TRPC6: variants seen among roughly 807,000 people sequenced by gnomAD.
TRPC6 encodes transient receptor potential cation channel subfamily C member 6, also known as short transient receptor potential channel 6.
In TRPC6, 55 loss-of-function variants were observed where a neutral mutation model predicts 90.7. That is an observed-to-expected ratio of 0.61 (90% CI 0.49 to 0.76). The LOEUF is 0.76. TRPC6 is among the 30% of genes least tolerant of loss of function. The probability of loss-of-function intolerance (pLI) is 0.00; values close to 1 mark genes in which losing one functional copy is unlikely to be tolerated. For synonymous variants in TRPC6, 393 were observed against 393.0 expected, an observed-to-expected ratio of 1.00 and a Z score of 0.00; for missense variants, 989 against 1,122.7, an observed-to-expected ratio of 0.88 and a Z score of 1.70.
chr11:101,567,790 G>A (rs1217632738), intron 1 of TRPC6, among the ~76,000 whole-genome samples: 2 of 152,184 alleles, frequency 1.3e-5, no homozygotes, highest in Admixed American at 1.3e-4. Context: ...ACTGTTAGAA[G>A]TAAAACTAAC....
chr11:101,560,742 C>T (rs1178307319), intron 1 of TRPC6, among the ~76,000 whole-genome samples: 1 of 152,058 alleles, frequency 6.6e-6, no homozygotes, highest in Non-Finnish European at 1.5e-5. Context: ...GAAGGATTCT[C>T]TGAAGGGCTG....
intron 1 of TRPC6, 72 bp downstream of exon 1, chr11:101,583,262 G>A: frequency 2.6e-6 from 4 of 1,514,132 alleles, no homozygotes; most frequent in Non-Finnish European, 3.5e-6. Context: ...GACGGACTCG[G>A]CCACTCCTGC....
chr11:101,522,398 C>A (rs1860682885), intron 1 of TRPC6, among the ~76,000 whole-genome samples: 1 of 152,124 alleles, frequency 6.6e-6, no homozygotes, highest in South Asian at 2.1e-4. Context: ...CTGAGGCCTC[C>A]CCAGCCATGC....
chr11:101,464,318 G>A (rs1275019783), intron 10 of TRPC6, among the ~76,000 whole-genome samples: 2 of 152,168 alleles, frequency 1.3e-5, no homozygotes, highest in African/African-American at 4.8e-5. Context: ...TCTGCTTGGT[G>A]CAGAGCTGAG....
At chr11:101,576,182 T>G (rs1314401603) in intron 1 of TRPC6, among the ~76,000 whole-genome samples, 1 of 152,166 alleles carries the variant, frequency 6.6e-6, no homozygotes, top group African/African-American at 2.4e-5. Flanking sequence ...AATAGCTGAG[T>G]AGATGCTCTG....
At chr11:101,546,035 A>G (rs1314504612) in intron 1 of TRPC6, among the ~76,000 whole-genome samples, 2 of 133,574 alleles carry the variant, frequency 1.5e-5, no homozygotes, top group Non-Finnish European at 3.2e-5. Flanking sequence ...TGGATCTAGT[A>G]TCACATTTAT....
intron 1 of TRPC6, among the ~76,000 whole-genome samples, chr11:101,554,219 C>T (rs1167674633): frequency 6.6e-6 from 1 of 152,126 alleles, no homozygotes; most frequent in East Asian, 1.9e-4. Flanking sequence ...TATACTGTGT[C>T]TCTTCAATAG....
chr11:101,452,727 C>T lies in TRPC6; in HGVS notation c.*228G>A, dbSNP rs922230655. 11 of 533,700 alleles carry T rather than the reference C, an allele frequency of 2.1e-5. No homozygotes were observed. Among genetic ancestry groups the T allele is most frequent in the Admixed American group, 6.4e-5 (2 of 31,398 alleles). 33.1% of individuals were successfully genotyped at this position (533,700 alleles called of 1,614,324 possible). On this transcript the variant is annotated 3_prime_UTR_variant, in exon 13 of 13. Coordinates refer to ENST00000344327, the MANE Select transcript of TRPC6 (RefSeq NM_004621.6). ...AAGAAAGCAGTTTATAAAACAAGCA[C>T]CAAACAACTGGGCATAATTTTCCTC...
chr11:101,546,419 T>C (rs73575778), intron 1 of TRPC6, among the ~76,000 whole-genome samples: 3,905 of 152,160 alleles, frequency 0.026, 101 homozygotes, highest in African/African-American at 0.058. Context: ...AAGGAACCAC[T>C]GCAAAGATTT....
intron 2 of TRPC6, among the ~76,000 whole-genome samples, chr11:101,500,232 G>A (rs1403218314): frequency 2.4e-5 from 3 of 126,372 alleles, no homozygotes; most frequent in Non-Finnish European, 4.9e-5. Flanking sequence ...TTTTTGAGAC[G>A]GAGTCTTGTT....
At chr11:101,544,231 C>G (rs1861243683) in intron 1 of TRPC6, among the ~76,000 whole-genome samples, 1 of 152,198 alleles carries the variant, frequency 6.6e-6, no homozygotes, top group Non-Finnish European at 1.5e-5. Flanking sequence ...CAGGAAACAA[C>G]AGATGCTGGA....
At chr11:101,567,398 G>A (rs981201972) in intron 1 of TRPC6, among the ~76,000 whole-genome samples, 1 of 151,644 alleles carries the variant, frequency 6.6e-6, no homozygotes, top group African/African-American at 2.4e-5. Flanking sequence ...CCCACTCCCT[G>A]GGACAGAGCA....
chr11:101,522,197 A>G (rs1220167735), intron 1 of TRPC6, among the ~76,000 whole-genome samples: 2 of 152,190 alleles, frequency 1.3e-5, no homozygotes, highest in African/African-American at 4.8e-5. Context: ...AGTGTTGAAG[A>G]AAGGGCCTGG....
At chr11:101,543,999 A>G (rs1861236768) in intron 1 of TRPC6, among the ~76,000 whole-genome samples, 1 of 152,238 alleles carries the variant, frequency 6.6e-6, no homozygotes, top group African/African-American at 2.4e-5. Context: ...CAAATGGCTA[A>G]TATCCAGAAT....
intron 3 of TRPC6, among the ~76,000 whole-genome samples, chr11:101,490,667 G>T (rs1591081982): frequency 6.6e-6 from 1 of 152,136 alleles, no homozygotes; most frequent in East Asian, 1.9e-4. Flanking sequence ...TGTTGCCTAG[G>T]CTGGTCTCCA....
At chr11:101,522,581 G>A (rs1204740935) in intron 1 of TRPC6, among the ~76,000 whole-genome samples, 1 of 152,064 alleles carries the variant, frequency 6.6e-6, no homozygotes, top group Non-Finnish European at 1.5e-5. Flanking sequence ...AACATTCCAG[G>A]TTTACATTCC....
chr11:101,469,367 T>G, intron 10 of TRPC6, 60 bp downstream of exon 10: 1 of 725,566 alleles, frequency 1.4e-6, no homozygotes, highest in East Asian at 2.6e-5. Context: ...ATCTGTCCCT[T>G]TCTTTGAAAA....
At chr11:101,521,192 G>A (rs1860651315) in intron 1 of TRPC6, among the ~76,000 whole-genome samples, 2 of 151,006 alleles carry the variant, frequency 1.3e-5, no homozygotes, top group South Asian at 4.2e-4. Context: ...GGAGGACTAG[G>A]AGGGAAGAAT....
At position 101,476,477 on chromosome 11, in the gene TRPC6, A is replaced by G. The variant is rs1859419965; in HGVS notation, c.1568T>C (p.Phe523Ser). The change falls in exon 6 of 13, where the codon TTT becomes TCT. Residue 523 changes from phenylalanine to serine, a missense_variant. Transcript: ENST00000344327. ...IWTQGPKEYL[F>S]ELWNMLDFGM... Reference sequence around the variant, plus strand: ...AAAATCAAGCATGTTCCACAACTCAAACAAATATTCCTTGGGGCCCTGAGT... The same window carrying G: ...AAAATCAAGCATGTTCCACAACTCAGACAAATATTCCTTGGGGCCCTGAGT... 6.2e-7 allele frequency: 1 copy of G among 1,614,124 alleles called. No individual in the cohort carries two copies. The highest frequency in any genetic ancestry group is 8.5e-7 in the Non-Finnish European group (1 of 1,179,998).
Sources: allele counts gnomAD v4.1 joint callset (sites outside exome capture counted in the v4.1 genomes callset), GRCh38; gene constraint gnomAD v4.1.1; transcripts MANE v1.5; gene names NCBI Gene and HGNC (gene_info 2026-07-23, HGNC 2026-07-21).